Variants in GALNT14 observed in about 807,000 individuals in gnomAD.
GALNT14 encodes the protein polypeptide N-acetylgalactosaminyltransferase 14.
In GALNT14, 60 loss-of-function variants were observed where a neutral mutation model predicts 77.5. That is an observed-to-expected ratio of 0.77 (90% CI 0.63 to 0.96). GALNT14 has a LOEUF of 0.96. GALNT14 is among the 40% of genes least tolerant of loss of function. GALNT14 has a pLI of 0.00. For missense variants in GALNT14, 710 were observed against 731.0 expected, an observed-to-expected ratio of 0.97 and a Z score of 0.33; for synonymous variants, 280 against 281.7, an observed-to-expected ratio of 0.99 and a Z score of 0.06.
At chr2:31,127,957 C>CG (rs1678777345) in intron 1 of GALNT14, among the ~76,000 whole-genome samples, 1 of 152,010 alleles carries the variant, frequency 6.6e-6, no homozygotes, top group Non-Finnish European at 1.5e-5. Context: ...TTGCCATGCT[C>CG]GGGGGAAAAG....
intron 1 of GALNT14, among the ~76,000 whole-genome samples, chr2:31,001,222 T>C (rs182720325): frequency 3.2e-4 from 49 of 152,204 alleles, no homozygotes; most frequent in African/African-American, 1.1e-3. Context: ...GCAAACCAGA[T>C]ACTCCCAGGG....
intron 1 of GALNT14, among the ~76,000 whole-genome samples, chr2:31,051,862 A>G (rs1673891964): frequency 6.6e-6 from 1 of 152,204 alleles, no homozygotes; most frequent in African/African-American, 2.4e-5. Context: ...TGTACTCAAA[A>G]GTGACAGCAA....
At chr2:30,924,959 G>T in intron 11 of GALNT14, 136 bp from the exon 12 acceptor site, 1 of 616,440 alleles carries the variant, frequency 1.6e-6, no homozygotes, top group Non-Finnish European at 2.9e-6. Flanking sequence ...TCTCTGGAAG[G>T]TGCTGGGGAA....
At chr2:31,045,005 A>C (rs6746878) in intron 1 of GALNT14, among the ~76,000 whole-genome samples, 109,704 of 151,808 alleles carry the variant, frequency 0.72, 39,963 homozygotes, top group East Asian at 0.98. Context: ...GTCTGGGAAA[A>C]CTTCAGAAAA....
chr2:31,120,902 G>T (rs545119395), intron 1 of GALNT14, among the ~76,000 whole-genome samples: 1 of 152,316 alleles, frequency 6.6e-6, no homozygotes, highest in African/African-American at 2.4e-5. Flanking sequence ...GGTGCATAAT[G>T]AGTATATTTC....
intron 1 of GALNT14, among the ~76,000 whole-genome samples, chr2:31,087,245 G>C (rs1283050593): frequency 6.6e-6 from 1 of 152,130 alleles, no homozygotes; most frequent in Non-Finnish European, 1.5e-5. Flanking sequence ...GAAGACATAG[G>C]GGGCAAATTA....
chr2:31,130,271 A>C (rs1678912086), intron 1 of GALNT14, among the ~76,000 whole-genome samples: 1 of 152,222 alleles, frequency 6.6e-6, no homozygotes, highest in Admixed American at 6.5e-5. Context: ...CCAGAGTGGC[A>C]ACCTCCTTCC....
intron 1 of GALNT14, among the ~76,000 whole-genome samples, chr2:31,087,197 C>A (rs967327310): frequency 6.6e-6 from 1 of 152,068 alleles, no homozygotes; most frequent in African/African-American, 2.4e-5. Flanking sequence ...CAGAAGGATG[C>A]CAGTGTGGGC....
In GALNT14 at chr2:30,989,583, A is replaced by ATAT. The variant is rs56703340; in HGVS notation, c.299+3254_299+3255insATA. ...CCTTATATATATATATATATATATA[A>ATAT]AAATATATATATTAGTAGATATATA... On this transcript the variant is annotated intron_variant, in intron 2 of 14. Transcript: ENST00000349752. 8.3e-3 allele frequency among the ~76,000 whole-genome samples: 759 copies of ATAT among 91,796 alleles called. 19 individuals are homozygous for ATAT. The highest frequency in any genetic ancestry group is 0.023 in the Middle Eastern group (4 of 174). The allele number at this position is 91,796 out of a possible 152,430, so 60.2% of individuals were successfully genotyped here. A position where few individuals can be genotyped will look rare whatever the true frequency, so the allele number is the denominator to read the frequency against.
intron 8 of GALNT14, among the ~76,000 whole-genome samples, chr2:30,944,504 C>G (rs574650920): frequency 1.3e-5 from 2 of 152,272 alleles, no homozygotes; most frequent in East Asian, 3.9e-4. Flanking sequence ...ATGTCCAAGA[C>G]CCTGGGACTT....
intron 2 of GALNT14, among the ~76,000 whole-genome samples, chr2:30,970,522 G>A (rs76336951): frequency 0.022 from 3,391 of 152,172 alleles, 138 homozygotes; most frequent in African/African-American, 0.078. Context: ...CGGCCCGCAC[G>A]CCAGGTTCAG....
At chr2:31,129,873 C>T (rs1320168736) in intron 1 of GALNT14, among the ~76,000 whole-genome samples, 2 of 152,182 alleles carry the variant, frequency 1.3e-5, no homozygotes, top group African/African-American at 4.8e-5. Flanking sequence ...TTGGAGAGAG[C>T]TCGTCAAGAG....
At chr2:31,045,292 CA>C (rs1165777441) in intron 1 of GALNT14, among the ~76,000 whole-genome samples, 1 of 152,128 alleles carries the variant, frequency 6.6e-6, no homozygotes, top group Non-Finnish European at 1.5e-5. Flanking sequence ...AAGCTGAGCT[CA>C]GATGTGCCAA....
intron 1 of GALNT14, among the ~76,000 whole-genome samples, chr2:31,098,396 T>C (rs1447277829): frequency 6.6e-6 from 1 of 152,166 alleles, no homozygotes; most frequent in African/African-American, 2.4e-5. Flanking sequence ...GTGCATCATC[T>C]TCTGACATGA....
intron 1 of GALNT14, among the ~76,000 whole-genome samples, chr2:31,131,867 A>G (rs1281687862): frequency 6.6e-6 from 1 of 152,160 alleles, no homozygotes; most frequent in Non-Finnish European, 1.5e-5. Context: ...CTCTGGACAG[A>G]CTGGGGAGGC....
At chr2:31,049,822 G>A (rs1436449913) in intron 1 of GALNT14, among the ~76,000 whole-genome samples, 6 of 152,090 alleles carry the variant, frequency 3.9e-5, no homozygotes, top group South Asian at 2.1e-4. Context: ...TTACTACAAC[G>A]CACAGCTTGT....
chr2:31,085,427 C>T (rs1487474242), intron 1 of GALNT14, among the ~76,000 whole-genome samples: 2 of 152,222 alleles, frequency 1.3e-5, no homozygotes, highest in African/African-American at 4.8e-5. Flanking sequence ...AAGAGTTCAA[C>T]TCCAAGTCGA....
intron 13 of GALNT14, among the ~76,000 whole-genome samples, chr2:30,919,473 C>T (rs1418930782): frequency 6.6e-6 from 1 of 152,212 alleles, no homozygotes; most frequent in Non-Finnish European, 1.5e-5. Context: ...CACCTGCCTG[C>T]AGAGACTGTG....
chr2:31,002,412 AGAGT>A (rs1201598755), intron 1 of GALNT14, among the ~76,000 whole-genome samples: 2 of 151,282 alleles, frequency 1.3e-5, no homozygotes, highest in Non-Finnish European at 2.9e-5. Flanking sequence ...CCTGGGTGAC[AGAGT>A]GAGACTCCAT....
Sources: allele counts gnomAD v4.1 joint callset (sites outside exome capture counted in the v4.1 genomes callset), GRCh38; gene constraint gnomAD v4.1.1; transcripts MANE v1.5; gene names NCBI Gene and HGNC (gene_info 2026-07-23, HGNC 2026-07-21).